STX19: variants seen among roughly 807,000 people sequenced by gnomAD.
STX19 encodes the protein syntaxin 19, also known as syntaxin-19.
Under a neutral mutation model 24.3 loss-of-function variants are expected in STX19, and 26 were observed. The observed-to-expected ratio is 1.07, with a 90% CI of 0.78 to 1.48. STX19 has a LOEUF of 1.48. STX19 is among the 40% of genes most tolerant of loss of function. The pLI, the probability that STX19 is intolerant of heterozygous loss-of-function variation, is 0.00. For synonymous variants in STX19, 116 were observed against 106.9 expected (o/e 1.09, Z -0.52); for missense variants, 367 against 331.9 (o/e 1.11, Z -0.82).
Position 94,015,224 on chromosome 3 carries a change from C to G in STX19, c.46G>C (p.Glu16Gln). 1.3e-6 allele frequency: 2 copies of G among 1,589,486 alleles called. No homozygotes were observed. The highest frequency in any genetic ancestry group is 1.7e-6 in the Non-Finnish European group (2 of 1,172,354). ...QELKQRTKEIELSRDSHVSTT... is the reference protein window; with the variant it reads ...QELKQRTKEIQLSRDSHVSTT... The stretch of plus-strand genomic sequence containing the variant: ...GATACATGACTGTCTCTAGAGAGTT[C>G]AATTTCCTTTGTTCTCTGCTTTAGT... The change falls in exon 2 of 2, where the codon GAA becomes CAA. Residue 16 changes from glutamate (E) to glutamine (Q), a missense_variant. Physicochemically the swap from Glu to Gln is conservative, Grantham distance 29 (BLOSUM62 2). Transcript: ENST00000315099.
intron 1 of STX19, among the ~76,000 whole-genome samples, chr3:94,018,938 G>C (rs1417765793): frequency 6.6e-6 from 1 of 151,862 alleles, no homozygotes; most frequent in Non-Finnish European, 1.5e-5. Flanking sequence ...GCTAATTTTT[G>C]TATTTTTATT....
intron 1 of STX19, among the ~76,000 whole-genome samples, chr3:94,024,149 A>C (rs1228069351): frequency 1.3e-5 from 2 of 152,208 alleles, no homozygotes; most frequent in East Asian, 3.9e-4. Flanking sequence ...TTAATCAATT[A>C]ATAGAGAAAG....
chr3:94,017,820 A>G (rs891742270), intron 1 of STX19, among the ~76,000 whole-genome samples: 19 of 152,162 alleles, frequency 1.2e-4, no homozygotes, highest in Non-Finnish European at 1.5e-5. Flanking sequence ...CAAGGCAGTG[A>G]ATGAGACTGA....
At chr3:94,017,340 A>G (rs2076354762) in intron 1 of STX19, among the ~76,000 whole-genome samples, 2 of 152,226 alleles carry the variant, frequency 1.3e-5, no homozygotes, top group Non-Finnish European at 2.9e-5. Flanking sequence ...TTGATTCAAT[A>G]TAAAGAAGAC....
chr3:94,014,916 C>G lies in STX19; in HGVS notation c.354G>C (p.Lys118Asn). 3.1e-6 allele frequency: 5 copies of G among 1,613,466 alleles called. No homozygotes were observed. Among genetic ancestry groups the G allele is most frequent in the Non-Finnish European group, 4.2e-6 (5 of 1,179,824 alleles). ...SLNDLVKEVK[K>N]SEVENGPSSV... ...AAGATGGACCATTTTCAACCTCTGA[C>G]TTTTTAACTTCTTTAACTAAATCAT... is the stretch of plus-strand genomic sequence containing the variant. The change falls in exon 2 of 2, where the codon AAG becomes AAC. Residue 118 changes from lysine to asparagine, a missense_variant. By Grantham distance (94) the Lys-to-Asn change is moderately conservative. Coordinates refer to ENST00000315099, the MANE Select transcript of STX19 (RefSeq NM_001001850.3).
At chr3:94,021,370 T>C (rs899108998) in intron 1 of STX19, among the ~76,000 whole-genome samples, 6 of 151,894 alleles carry the variant, frequency 4.0e-5, no homozygotes, top group African/African-American at 1.5e-4. Flanking sequence ...AATTTTTGTA[T>C]TTCTGGTAGA....
intron 1 of STX19, among the ~76,000 whole-genome samples, chr3:94,027,102 A>T (rs1458408591): frequency 6.6e-6 from 1 of 152,104 alleles, no homozygotes; most frequent in East Asian, 1.9e-4. Context: ...TTTCATAGTT[A>T]CTGTAATGAT....
At chr3:94,015,817 G>T (rs536613031) in intron 1 of STX19, among the ~76,000 whole-genome samples, 1 of 152,058 alleles carries the variant, frequency 6.6e-6, no homozygotes, top group African/African-American at 2.4e-5. Flanking sequence ...TAAATTTTCC[G>T]AAGCCTCTGA....
At chr3:94,019,289 C>A (rs916532279) in intron 1 of STX19, among the ~76,000 whole-genome samples, 1 of 151,972 alleles carries the variant, frequency 6.6e-6, no homozygotes, top group African/African-American at 2.4e-5. Context: ...CTCCATCTCC[C>A]AGGTTCAATC....
In STX19 at chr3:94,015,043, T is replaced by C. The variant is rs772242957; in HGVS notation, c.227A>G (p.Lys76Arg). 3.1e-6 allele frequency: 5 copies of C among 1,614,058 alleles called. No homozygotes were observed. The highest frequency in any genetic ancestry group is 1.7e-4 in the Middle Eastern group (1 of 6,060). ...CCTTCTCATTGAAGCCACCAGACTT[T>C]TCTGTTGCTGCCCAAATTTTTGAAC... ...DNVQKFGQQQ[K>R]SLVASMRRFS... The change falls in exon 2 of 2, where the codon AAA becomes AGA. Residue 76 changes from lysine to arginine, a missense_variant. By Grantham distance (26) the Lys-to-Arg change is conservative (BLOSUM62 2). Coordinates refer to ENST00000315099, the MANE Select transcript of STX19 (RefSeq NM_001001850.3).
chr3:94,014,791 T>C lies in STX19; in HGVS notation c.479A>G (p.Glu160Gly), dbSNP rs778538138. The change falls in exon 2 of 2, where the codon GAG (glutamate) becomes GGG (glycine). Residue 160 changes from glutamate (E) to glycine (G), a missense_variant. By Grantham distance (98) the Glu-to-Gly change is moderately conservative. Transcript: ENST00000315099. ...IYNDTIAAKQ[E>G]KCKTFILRQL... ...ACGTAAAATAAATGTCTTGCACTTCTCTTGCTTTGCTGCTATTGTGTCATT... is the reference window on the plus strand; with the variant it reads ...ACGTAAAATAAATGTCTTGCACTTCCCTTGCTTTGCTGCTATTGTGTCATT... The C allele has an allele frequency of 1.2e-6, 2 of 1,613,924 alleles. No homozygotes were observed. The highest frequency in any genetic ancestry group is 1.3e-5 in the African/African-American group (1 of 74,934).
chr3:94,016,731 CT>C (rs957149121), intron 1 of STX19, among the ~76,000 whole-genome samples: 35 of 151,114 alleles, frequency 2.3e-4, no homozygotes, highest in African/African-American at 8.2e-4. Flanking sequence ...ACTGCAACTT[CT>C]GCCTCCCGGG....
intron 1 of STX19, among the ~76,000 whole-genome samples, chr3:94,022,119 TTTA>T (rs1323528694): frequency 2.0e-5 from 3 of 151,966 alleles, no homozygotes; most frequent in Non-Finnish European, 4.4e-5. Context: ...CTTCTTCAGT[TTTA>T]TTTTATTTTA....
intron 1 of STX19, among the ~76,000 whole-genome samples, chr3:94,022,779 C>T (rs1368125002): frequency 6.6e-6 from 1 of 151,828 alleles, no homozygotes; most frequent in Non-Finnish European, 1.5e-5. Flanking sequence ...GGTGATTTTT[C>T]ACAAAGTAAA....
chr3:94,022,897 A>G (rs900781628), intron 1 of STX19, among the ~76,000 whole-genome samples: 2 of 152,146 alleles, frequency 1.3e-5, no homozygotes, highest in South Asian at 2.1e-4. Flanking sequence ...ATACATCACT[A>G]ATTCATTCTA....
At chr3:94,023,058 C>G (rs1241269004) in intron 1 of STX19, among the ~76,000 whole-genome samples, 1 of 151,886 alleles carries the variant, frequency 6.6e-6, no homozygotes, top group African/African-American at 2.4e-5. Flanking sequence ...TTTATATTCT[C>G]TATTTTTGAT....
chr3:94,025,273 T>A (rs2076531882), intron 1 of STX19, among the ~76,000 whole-genome samples: 1 of 152,196 alleles, frequency 6.6e-6, no homozygotes, highest in South Asian at 2.1e-4. Context: ...ATCCTTTTTT[T>A]AATATCTGTA....
chr3:94,017,732 A>G lies in STX19; in HGVS notation c.-13-2450T>C, dbSNP rs1416813850. ...GGCAGGGTCTCTAAGCAGATATTTG[A>G]GATGTGAGACTGAATGTTGAGAAGC... On this transcript the variant is annotated intron_variant, in intron 1 of 1. Coordinates refer to ENST00000315099, the MANE Select transcript of STX19 (RefSeq NM_001001850.3). Among the ~76,000 whole-genome samples the G allele has an allele frequency of 2.0e-5, 3 of 152,182 alleles. No homozygotes were observed. In the East Asian group the frequency reaches 5.8e-4, roughly 29 times the overall value.
intron 1 of STX19, among the ~76,000 whole-genome samples, chr3:94,018,085 CA>C (rs2076369087): frequency 1.3e-5 from 2 of 152,110 alleles, no homozygotes; most frequent in African/African-American, 4.8e-5. Context: ...TAAACTGATA[CA>C]GGGGTGTCCC....
Sources: gnomAD v4.1 joint callset for allele counts (sites outside exome capture counted in the v4.1 genomes callset) on GRCh38, gnomAD v4.1.1 for gene constraint, MANE v1.5 for transcripts, NCBI Gene and HGNC (gene_info 2026-07-23, HGNC 2026-07-21) for gene names.